Variants in DDX49 observed in about 807,000 individuals in gnomAD.
DDX49 encodes probable ATP-dependent RNA helicase DDX49.
Under a neutral mutation model 56.3 loss-of-function variants are expected in DDX49, and 50 were observed. That is an observed-to-expected ratio of 0.89 (90% confidence interval 0.71 to 1.12). The LOEUF (loss-of-function observed/expected upper bound fraction) is 1.12. Ranked by LOEUF, DDX49 falls within the 50% of genes most tolerant of loss-of-function variation. The pLI is 0.00. For synonymous variants in DDX49, 269 were observed against 270.6 expected (o/e 0.99, Z 0.06); for missense variants, 614 against 650.5 (o/e 0.94, Z 0.61).
chr19:18,920,842 C>T, intron 2 of DDX49, 139 bp downstream of exon 2: 5 of 854,604 alleles, frequency 5.9e-6, no homozygotes, highest in Non-Finnish European at 8.6e-6. Flanking sequence ...AGGGGTCCTG[C>T]AGAATTAAAC....
In DDX49 at chr19:18,926,365, G is replaced by A. The variant is rs867187555; in HGVS notation, c.1090G>A (p.Glu364Lys). The change falls in exon 10 of 13, where the codon GAG becomes AAG. Residue 364 changes from glutamate to lysine, a missense_variant. Glu to Lys is a moderately conservative substitution (Grantham distance 56). Coordinates refer to ENST00000247003, the MANE Select transcript of DDX49 (RefSeq NM_019070.5). ...CGACATCCACCTGGTGCACGCCATC[G>A]AGGAGCAGATCAGTGAGTGGGGTTG... Reference protein sequence around the residue: ...QYDIHLVHAIEEQIKKKLEEF... With the variant: ...QYDIHLVHAIKEQIKKKLEEF... 9.7e-6 allele frequency: 15 copies of A among 1,545,860 alleles called. No homozygotes were observed. Among genetic ancestry groups the A allele is most frequent in the Middle Eastern group, 1.7e-4 (1 of 5,948 alleles).
intron 1 of DDX49, among the ~76,000 whole-genome samples, chr19:18,920,298 C>T (rs1470631359): frequency 2.0e-5 from 3 of 152,148 alleles, no homozygotes; most frequent in African/African-American, 2.4e-5. Context: ...GAGAGGCCCA[C>T]AGGAAGCCTA....
At chr19:18,926,239 C>T in intron 9 of DDX49, 64 bp from the exon 10 acceptor site, 1 of 1,506,426 alleles carries the variant, frequency 6.6e-7, no homozygotes, top group Non-Finnish European at 9.0e-7. Flanking sequence ...CTGTCAGGAT[C>T]TACCTTTATT....
chr19:18,928,326 G>T lies in DDX49; in HGVS notation c.*10G>T, dbSNP rs374701222. On this transcript the variant is annotated 3_prime_UTR_variant, in exon 13 of 13. Coordinates refer to ENST00000247003, the MANE Select transcript of DDX49 (RefSeq NM_019070.5). ...CCAGGGCCTGGTCTGAGCCCCACAC[G>T]GCCATCTGCCCAGTCCTTGACTCGT... 147 of 1,522,020 alleles carry T rather than the reference G, an allele frequency of 9.7e-5. No individual in the cohort carries two copies. In the African/African-American group the frequency reaches 1.7e-3, roughly 17 times the overall value. 94.3% of individuals were successfully genotyped at this position (1,522,020 alleles called of 1,614,324 possible).
intron 10 of DDX49, 43 bp downstream of exon 10, chr19:18,926,420 T>TGGGGGGGGG: frequency 5.1e-6 from 1 of 194,820 alleles, no homozygotes; most frequent in Non-Finnish European, 9.9e-6. Flanking sequence ...AGGGGTGGGG[T>TGGGGGGGGG]GGGCAGAGGT....
Position 18,921,599 on chromosome 19 carries a change from G to A in DDX49, c.240-64G>A. The stretch of plus-strand genomic sequence containing the variant: ...CTCAGGGAGGAACCCTGGGGATGGA[G>A]AGGGGAATGGGGGGCAGGTCCAGAA... On this transcript the variant is annotated intron_variant, in intron 2 of 12. Transcript: ENST00000247003. The A allele has an allele frequency of 1.3e-6, 2 of 1,484,358 alleles. 1 individual carries two copies. Among genetic ancestry groups the A allele is most frequent in the South Asian group, 2.3e-5 (2 of 88,386 alleles). The allele number at this position is 1,484,358 out of a possible 1,614,324, so 91.9% of individuals were successfully genotyped here. A position where few individuals can be genotyped will look rare whatever the true frequency, so the allele number is the denominator to read the frequency against.
At chr19:18,922,914 C>T (rs757104687) in intron 6 of DDX49, among the ~76,000 whole-genome samples, 170 bp downstream of exon 6, 14 of 152,160 alleles carry the variant, frequency 9.2e-5, no homozygotes, top group Non-Finnish European at 1.6e-4. Flanking sequence ...AAGGTGCAGC[C>T]GGCCTTTGGG....
At position 18,928,092 on chromosome 19, in the gene DDX49, G is replaced by A. The variant is rs576239190; in HGVS notation, c.1264-36G>A. 30 of 1,612,094 alleles carry A rather than the reference G, an allele frequency of 1.9e-5. 1 individual carries two copies. Among genetic ancestry groups the A allele is most frequent in the African/African-American group, 9.3e-5 (7 of 74,936 alleles). ...GTGGCCAGGTTCCCTGGCGGGGGCC[G>A]CCAGCTCAGCCATCCCCTGGTCCTC... On this transcript the variant is annotated intron_variant, in intron 12 of 12. Transcript: ENST00000247003.
Position 18,924,263 on chromosome 19 carries a change from C to G in DDX49, c.807C>G (p.Arg269=). The change falls in exon 7 of 13, where the codon CGC becomes CGG. Residue 269 remains arginine, a synonymous_variant. Transcript: ENST00000247003. ...KTCQILCMML[R]KFSFPTVALH... Reference sequence around the variant, plus strand: ...GCCAGATTCTGTGCATGATGCTGCGCAAATTCAGCTTCCCCACCGTGGCTC... The same window carrying G: ...GCCAGATTCTGTGCATGATGCTGCGGAAATTCAGCTTCCCCACCGTGGCTC... 6.2e-7 allele frequency: 1 copy of G among 1,613,940 alleles called. No homozygotes were observed. The highest frequency in any genetic ancestry group is 1.1e-5 in the South Asian group (1 of 91,086).
At chr19:18,926,424 C>CA in intron 10 of DDX49, 47 bp downstream of exon 10, 20 of 456,870 alleles carry the variant, frequency 4.4e-5, no homozygotes, top group Middle Eastern at 6.6e-4. Context: ...GTGGGGTGGG[C>CA]AGAGGTGGGC....
intron 2 of DDX49, 27 bp downstream of exon 2, chr19:18,920,730 A>G (rs776416040): frequency 6.3e-7 from 1 of 1,582,980 alleles, no homozygotes; most frequent in South Asian, 1.1e-5. Context: ...CCTCCTGGGT[A>G]TGGGTTAACC....
At chr19:18,922,215 C>T (rs1341887353) in intron 4 of DDX49, 111 bp from the exon 5 acceptor site, 1 of 1,371,756 alleles carries the variant, frequency 7.3e-7, no homozygotes, top group South Asian at 1.3e-5. Context: ...AAGGAGGGTA[C>T]TCCAGGGCCT....
In DDX49 at chr19:18,924,714, G is replaced by A; in HGVS notation, c.929+15G>A. ...GTGGCCTCCCGGTGAGCAGCCCCCAGTCTCCTGCCAAGGGCACTCCCTCTT... is the reference window on the plus strand; with the variant it reads ...GTGGCCTCCCGGTGAGCAGCCCCCAATCTCCTGCCAAGGGCACTCCCTCTT... On this transcript the variant is annotated intron_variant, in intron 8 of 12. Coordinates refer to ENST00000247003, the MANE Select transcript of DDX49 (RefSeq NM_019070.5). 1 of 1,614,182 alleles carries A rather than the reference G, an allele frequency of 6.2e-7. No individual in the cohort carries two copies. Among genetic ancestry groups the A allele is most frequent in the Non-Finnish European group, 8.5e-7 (1 of 1,180,018 alleles).
intron 2 of DDX49, 73 bp from the exon 3 acceptor site, chr19:18,921,589 TG>T: frequency 1.4e-6 from 2 of 1,429,806 alleles, no homozygotes; most frequent in Non-Finnish European, 2.0e-6. Context: ...GGAGGAACCC[TG>T]GGGATGGAGA....
Position 18,925,997 on chromosome 19 carries a change from G to A in DDX49, c.1028-306G>A, listed in dbSNP as rs146486690. ...AAGCAGAGATCTTGGGCTGAGGCCC[G>A]TCAGGGCTAATGGCTGGCATTACTT... is the stretch of plus-strand genomic sequence containing the variant. On this transcript the variant is annotated intron_variant, in intron 9 of 12. Coordinates refer to ENST00000247003, the MANE Select transcript of DDX49 (RefSeq NM_019070.5). Among the ~76,000 whole-genome samples the A allele has an allele frequency of 8.1e-3, 1,233 of 152,322 alleles. 8 individuals are homozygous for A. The highest frequency in any genetic ancestry group is 0.024 in the Middle Eastern group (7 of 294).
Position 18,919,801 on chromosome 19 carries a change from G to A in DDX49, c.60G>A (p.Leu20=). 6.2e-7 allele frequency: 1 copy of A among 1,612,800 alleles called. No homozygotes were observed. The highest frequency in any genetic ancestry group is 2.2e-5 in the East Asian group (1 of 44,852). The change falls in exon 1 of 13, where the codon CTG becomes CTA. Residue 20 remains leucine (L), a synonymous_variant. Transcript: ENST00000247003. ...SSWLVEQCRQ[L]GLKQPTPVQL... is the part of the protein sequence containing the mutation. ...GGCTCGTGGAACAATGTCGGCAGCT[G>A]GGTTTGAAGCAGCCCACGCCCGTGC...
At chr19:18,926,407 AGGAG>A in intron 10 of DDX49, 30 bp downstream of exon 10, 3 of 177,478 alleles carry the variant, frequency 1.7e-5, no homozygotes, top group Non-Finnish European at 3.1e-5. Context: ...GTGGTAGAGA[AGGAG>A]GGGTGGGGTG....
chr19:18,922,860 A>T, intron 6 of DDX49, 116 bp downstream of exon 6: 1 of 1,353,680 alleles, frequency 7.4e-7, no homozygotes, highest in South Asian at 1.3e-5. Context: ...CTCAGCCTGG[A>T]GGTCATGGGG....
At chr19:18,927,922 GC>G in intron 11 of DDX49, 42 bp from the exon 12 acceptor site, 1 of 1,613,864 alleles carries the variant, frequency 6.2e-7, no homozygotes, top group Non-Finnish European at 8.5e-7. Flanking sequence ...TCCAGGTGGG[GC>G]CCCCGTGACC....
Sources: gnomAD v4.1 joint callset for allele counts (sites outside exome capture counted in the v4.1 genomes callset) on GRCh38, gnomAD v4.1.1 for gene constraint, MANE v1.5 for transcripts, NCBI Gene and HGNC (gene_info 2026-07-23, HGNC 2026-07-21) for gene names.